The following GRM1 variants were observed in gnomAD, a reference collection of about 807,000 sequenced individuals.
The protein encoded by GRM1 is glutamate metabotropic receptor 1, also known as metabotropic glutamate receptor 1.
Under a neutral mutation model 90.9 loss-of-function variants are expected in GRM1, and 33 were observed. The ratio of observed to expected loss-of-function variants is 0.36; its 90% confidence interval spans 0.28 to 0.49. The LOEUF is 0.49. GRM1 is among the 20% of genes least tolerant of loss of function. The pLI is 0.99. For synonymous variants in GRM1, 700 were observed against 613.2 expected (o/e 1.14, Z -2.09); for missense variants, 1,190 against 1,534.3 (o/e 0.78, Z 3.75).
intron 2 of GRM1, among the ~76,000 whole-genome samples, chr6:146,175,107 C>T (rs936467898): frequency 2.6e-5 from 4 of 152,124 alleles, no homozygotes; most frequent in Non-Finnish European, 5.9e-5. Flanking sequence ...TCACTAGGTC[C>T]AGCAATTCAA....
At chr6:146,138,099 C>T (rs1776695583) in intron 1 of GRM1, among the ~76,000 whole-genome samples, 1 of 152,002 alleles carries the variant, frequency 6.6e-6, no homozygotes, top group Non-Finnish European at 1.5e-5. Flanking sequence ...GCATCATCTG[C>T]AAACAAGGAT....
intron 2 of GRM1, among the ~76,000 whole-genome samples, chr6:146,167,230 T>C (rs528779641): frequency 3.9e-5 from 6 of 152,298 alleles, no homozygotes; most frequent in African/African-American, 1.4e-4. Flanking sequence ...ATTTCCTCTT[T>C]ATTGTTGAGT....
intron 1 of GRM1, among the ~76,000 whole-genome samples, chr6:146,089,992 T>G (rs1328833842): frequency 6.6e-6 from 1 of 152,126 alleles, no homozygotes; most frequent in Non-Finnish European, 1.5e-5. Flanking sequence ...GTAATATGTA[T>G]TATAGATATT....
intron 2 of GRM1, chr6:146,171,414 A>G (rs965284815): frequency 6.2e-6 from 1 of 161,110 alleles, no homozygotes; most frequent in African/African-American, 2.4e-5. Flanking sequence ...AGTCAAGGAC[A>G]CTTTGAGGGA....
At chr6:146,324,225 A>G (rs1362415200) in intron 3 of GRM1, among the ~76,000 whole-genome samples, 2 of 152,088 alleles carry the variant, frequency 1.3e-5, no homozygotes, top group Non-Finnish European at 2.9e-5. Context: ...AGCCCCAGTA[A>G]TGGTGACACC....
In GRM1 at chr6:146,434,550, C is replaced by A. The variant is rs754649454; in HGVS notation, c.3339C>A (p.His1113Gln). ...TCCTCCAGGAGTACGTGTATGAGCA[C>A]GAGCGGGAAGGGAACACGGAAGAAG... is the stretch of plus-strand genomic sequence containing the variant. ...FKLLQEYVYE[H>Q]EREGNTEEDE... Residue 1113 changes from histidine to glutamine, a missense_variant, in exon 8 of 8, where the codon CAC (histidine) becomes CAA (glutamine). Physicochemically the swap from His to Gln is conservative, Grantham distance 24. Coordinates refer to ENST00000282753, the MANE Select transcript of GRM1 (RefSeq NM_001278064.2). The A allele has an allele frequency of 6.2e-7, 1 of 1,613,992 alleles. No homozygotes were observed. Among genetic ancestry groups the A allele is most frequent in the Non-Finnish European group, 8.5e-7 (1 of 1,180,026 alleles).
intron 2 of GRM1, among the ~76,000 whole-genome samples, chr6:146,286,704 G>A (rs1418002742): frequency 1.3e-5 from 2 of 152,176 alleles, no homozygotes; most frequent in African/African-American, 4.8e-5. Context: ...ACAAGTTTTT[G>A]CTGCAAGGAA....
At chr6:146,275,383 G>A (rs1200461276) in intron 2 of GRM1, among the ~76,000 whole-genome samples, 1 of 152,126 alleles carries the variant, frequency 6.6e-6, no homozygotes, top group Non-Finnish European at 1.5e-5. Context: ...GGGACAGTTT[G>A]TACATGCAGG....
intron 1 of GRM1, among the ~76,000 whole-genome samples, chr6:146,051,443 TA>T (rs1244431538): frequency 1.3e-5 from 2 of 152,030 alleles, no homozygotes; most frequent in African/African-American, 4.8e-5. Context: ...AATTTACTGA[TA>T]AAGGGGAAAA....
At chr6:146,092,449 A>C (rs1776745518) in intron 1 of GRM1, among the ~76,000 whole-genome samples, 1 of 152,048 alleles carries the variant, frequency 6.6e-6, no homozygotes, top group Non-Finnish European at 1.5e-5. Context: ...AGTCATTTTA[A>C]AATATTAACA....
chr6:146,374,206 A>C (rs1042681205), intron 5 of GRM1, among the ~76,000 whole-genome samples: 1 of 152,152 alleles, frequency 6.6e-6, no homozygotes, highest in Admixed American at 6.6e-5. Flanking sequence ...CCTGCATCCC[A>C]GGGATAAATC....
chr6:146,111,295 A>G (rs978427180), intron 1 of GRM1, among the ~76,000 whole-genome samples: 1 of 152,208 alleles, frequency 6.6e-6, no homozygotes, highest in African/African-American at 2.4e-5. Context: ...GTTACCTACC[A>G]GCTTTCACGA....
chr6:146,181,229 T>C (rs1583124964), intron 2 of GRM1, among the ~76,000 whole-genome samples: 1 of 141,458 alleles, frequency 7.1e-6, no homozygotes, highest in East Asian at 2.0e-4. Context: ...CACACATAAC[T>C]TGCCACCTTT....
chr6:146,399,087 C>A lies in GRM1; in HGVS notation c.2048C>A (p.Ala683Glu). Residue 683 changes from alanine to glutamate, a missense_variant, in exon 7 of 8, where the codon GCA (alanine) becomes GAA (glutamate). Around this residue, in one of 10 missense-constraint regions of GRM1, gnomAD observed 414 missense variants for 598.4 expected, o/e 0.69. Coordinates refer to ENST00000282753, the MANE Select transcript of GRM1 (RefSeq NM_001278064.2). The surrounding 1 kb of genome is among the most constrained non-coding windows in gnomAD (Gnocchi z 5.4). ...SALVTKTNRI[A>E]RILAGSKKKI... ...TTAGTGACTAAAACCAATCGTATTG[C>A]ACGCATCCTGGCTGGCAGCAAGAAG... 3.1e-6 allele frequency: 5 copies of A among 1,614,112 alleles called. No homozygotes were observed. Among genetic ancestry groups the A allele is most frequent in the Non-Finnish European group, 4.2e-6 (5 of 1,179,992 alleles).
intron 1 of GRM1, among the ~76,000 whole-genome samples, chr6:146,140,577 G>GT (rs1333222388): frequency 1.3e-5 from 2 of 152,108 alleles, no homozygotes; most frequent in Non-Finnish European, 2.9e-5. Context: ...CCTGTTATAT[G>GT]TTTTTTGGTT....
At chr6:146,388,713 C>T (rs566613480) in intron 6 of GRM1, among the ~76,000 whole-genome samples, 5 of 152,150 alleles carry the variant, frequency 3.3e-5, no homozygotes, top group African/African-American at 4.8e-5. Flanking sequence ...CCAGAGATTC[C>T]GCTTTGCTCC....
intron 2 of GRM1, among the ~76,000 whole-genome samples, chr6:146,236,614 A>G (rs1384185734): frequency 3.3e-5 from 5 of 152,080 alleles, no homozygotes; most frequent in African/African-American, 1.2e-4. Flanking sequence ...GGCTGGGCCC[A>G]GTATATATTT....
chr6:146,073,776 A>G (rs1266664693), intron 1 of GRM1, among the ~76,000 whole-genome samples: 1 of 152,146 alleles, frequency 6.6e-6, no homozygotes, highest in Non-Finnish European at 1.5e-5. Flanking sequence ...AATAGCTACA[A>G]CTGAGCAAAA....
intron 1 of GRM1, among the ~76,000 whole-genome samples, chr6:146,095,007 G>C (rs1223166451): frequency 6.6e-6 from 1 of 152,082 alleles, no homozygotes; most frequent in African/African-American, 2.4e-5. Flanking sequence ...AAATGATCAA[G>C]CAGATAAAGA....
Sources: gnomAD v4.1 joint callset for allele counts (sites outside exome capture counted in the v4.1 genomes callset) on GRCh38, gnomAD v4.1.1 for gene constraint, gnomAD v4.1.1 regional missense constraint, Gnocchi (gnomAD v3.1) non-coding constraint, MANE v1.5 for transcripts, NCBI Gene and HGNC (gene_info 2026-07-23, HGNC 2026-07-21) for gene names.